The following NOL4 variants were observed in gnomAD, a reference collection of about 807,000 sequenced individuals.
The protein encoded by NOL4 is cancer/testis antigen 125.
NOL4 carries 17 observed loss-of-function variants against 75.9 expected under a neutral mutation model. The observed-to-expected ratio is 0.22, with a 90% confidence interval of 0.15 to 0.34. The LOEUF (loss-of-function observed/expected upper bound fraction) is 0.34. Ranked by LOEUF, NOL4 falls within the 10% of genes least tolerant of loss-of-function variation. NOL4 has a pLI of 1.00. For synonymous variants in NOL4, 292 were observed against 289.9 expected (o/e 1.01, Z -0.07); for missense variants, 614 against 793.5 (o/e 0.77, Z 2.72).
intron 1 of NOL4, among the ~76,000 whole-genome samples, chr18:34,181,598 C>T (rs2034040306): frequency 6.6e-6 from 1 of 151,330 alleles, no homozygotes; most frequent in South Asian, 2.1e-4. Flanking sequence ...AAAACTTTTG[C>T]ATATAAATAA....
intron 1 of NOL4, among the ~76,000 whole-genome samples, chr18:34,166,369 C>T (rs1017290566): frequency 6.6e-6 from 1 of 152,070 alleles, no homozygotes; most frequent in African/African-American, 2.4e-5. Context: ...CCACTTTAAA[C>T]AATGGATCTT....
At chr18:33,882,721 A>G (rs939886291) in intron 10 of NOL4, among the ~76,000 whole-genome samples, 2 of 152,004 alleles carry the variant, frequency 1.3e-5, no homozygotes, top group Non-Finnish European at 2.9e-5. Context: ...TACCCAAAGG[A>G]CTATAAATCA....
chr18:33,907,034 T>A (rs1257591340), intron 9 of NOL4, among the ~76,000 whole-genome samples: 2 of 152,078 alleles, frequency 1.3e-5, no homozygotes, highest in Non-Finnish European at 2.9e-5. Context: ...ACAAAAGACC[T>A]TGAAAGAGGC....
intron 1 of NOL4, among the ~76,000 whole-genome samples, chr18:34,133,946 C>T (rs1568379171): frequency 6.6e-6 from 1 of 152,146 alleles, no homozygotes. Context: ...TCGCTTGAAC[C>T]TGGGAGGTGT....
chr18:34,019,239 T>C, intron 6 of NOL4, 79 bp downstream of exon 6: 1 of 1,154,704 alleles, frequency 8.7e-7, no homozygotes, highest in East Asian at 2.4e-5. Flanking sequence ...ACAATAATGT[T>C]TATCTGCTAT....
At chr18:33,988,432 T>C (rs2072643071) in intron 6 of NOL4, among the ~76,000 whole-genome samples, 1 of 152,084 alleles carries the variant, frequency 6.6e-6, no homozygotes, top group African/African-American at 2.4e-5. Flanking sequence ...TGGGAAAGAT[T>C]ACTCAACCCA....
intron 5 of NOL4, among the ~76,000 whole-genome samples, chr18:34,035,987 T>C (rs2075876039): frequency 6.6e-6 from 1 of 151,830 alleles, no homozygotes; most frequent in Non-Finnish European, 1.5e-5. Flanking sequence ...GTAATGAAAA[T>C]CTTCCAACAA....
chr18:33,972,588 ATT>A (rs2071160970), intron 6 of NOL4, among the ~76,000 whole-genome samples: 1 of 152,186 alleles, frequency 6.6e-6, no homozygotes. Context: ...GGACTACCAT[ATT>A]TTCCAGCAAT....
At chr18:34,188,237 C>T (rs950530352) in intron 1 of NOL4, among the ~76,000 whole-genome samples, 13 of 151,666 alleles carry the variant, frequency 8.6e-5, no homozygotes, top group South Asian at 6.2e-4. Flanking sequence ...TATGCTAGGA[C>T]TGTAGTAAAA....
At chr18:34,067,205 T>C (rs1047712693) in intron 5 of NOL4, among the ~76,000 whole-genome samples, 1 of 152,156 alleles carries the variant, frequency 6.6e-6, no homozygotes, top group African/African-American at 2.4e-5. Context: ...GAGCAAACTC[T>C]TGAAAAAGGC....
intron 6 of NOL4, among the ~76,000 whole-genome samples, chr18:33,971,773 T>G (rs889295835): frequency 6.7e-6 from 1 of 149,284 alleles, no homozygotes; most frequent in African/African-American, 2.6e-5. Flanking sequence ...ATATAAATAT[T>G]TTTTTTTCTG....
chr18:34,061,366 T>A (rs578120783), intron 5 of NOL4, among the ~76,000 whole-genome samples: 12 of 152,264 alleles, frequency 7.9e-5, no homozygotes, highest in African/African-American at 2.6e-4. Flanking sequence ...GTAGACCTAA[T>A]TATATGGGGA....
intron 9 of NOL4, 103 bp downstream of exon 9, chr18:33,942,962 A>T: frequency 1.3e-6 from 1 of 752,180 alleles, no homozygotes; most frequent in Non-Finnish European, 2.3e-6. Context: ...ATCTCTGTGT[A>T]CTTTAAATCC....
At chr18:33,929,200 C>A (rs77246298) in intron 9 of NOL4, among the ~76,000 whole-genome samples, 2 of 152,284 alleles carry the variant, frequency 1.3e-5, no homozygotes, top group East Asian at 3.9e-4. Flanking sequence ...AAGACCCCTG[C>A]ACCTCTATGC....
intron 5 of NOL4, among the ~76,000 whole-genome samples, chr18:34,049,086 AC>A: frequency 7.1e-6 from 1 of 140,954 alleles, no homozygotes; most frequent in Non-Finnish European, 1.6e-5. Flanking sequence ...ACACACACAC[AC>A]ACACACACAC....
chr18:33,870,603 T>G (rs1314077973), intron 10 of NOL4, among the ~76,000 whole-genome samples: 1 of 152,014 alleles, frequency 6.6e-6, no homozygotes, highest in Non-Finnish European at 1.5e-5. Context: ...ACGAAAGATA[T>G]GTCTGATTTG....
At chr18:33,937,540 G>A (rs2068140594) in intron 9 of NOL4, among the ~76,000 whole-genome samples, 1 of 152,044 alleles carries the variant, frequency 6.6e-6, no homozygotes, top group Non-Finnish European at 1.5e-5. Context: ...GAATCTCTTA[G>A]TCACTGGAAA....
intron 5 of NOL4, among the ~76,000 whole-genome samples, chr18:34,091,408 A>G (rs895792010): frequency 6.6e-6 from 1 of 151,952 alleles, no homozygotes; most frequent in Non-Finnish European, 1.5e-5. Flanking sequence ...GCTTGACAGA[A>G]GGAGTTTGCC....
chr18:34,042,100 AG>A (rs573348476), intron 5 of NOL4, among the ~76,000 whole-genome samples: 277 of 152,180 alleles, frequency 1.8e-3, no homozygotes, highest in Non-Finnish European at 3.1e-3. Flanking sequence ...AATATACTTT[AG>A]TAAATTCTGA....
Sources: gnomAD v4.1 joint callset for allele counts (sites outside exome capture counted in the v4.1 genomes callset) on GRCh38, gnomAD v4.1.1 for gene constraint, MANE v1.5 for transcripts, NCBI Gene and HGNC (gene_info 2026-07-23, HGNC 2026-07-21) for gene names.